Variants in SEC22A observed in about 807,000 individuals in gnomAD.
SEC22A encodes vesicle-trafficking protein SEC22a.
In SEC22A, 22 loss-of-function variants were observed where a neutral mutation model predicts 35.3. The observed-to-expected ratio is 0.62, with a 90% CI of 0.45 to 0.89. SEC22A has a LOEUF of 0.89. SEC22A is among the 40% of genes least tolerant of loss of function. The pLI, the probability that SEC22A is intolerant of heterozygous loss-of-function variation, is 0.00. For synonymous variants in SEC22A, 119 were observed against 129.5 expected (o/e 0.92, Z 0.55); for missense variants, 354 against 362.5 (o/e 0.98, Z 0.19).
intron 1 of SEC22A, among the ~76,000 whole-genome samples, chr3:123,206,252 C>T (rs573776505): frequency 6.6e-6 from 1 of 152,110 alleles, no homozygotes; most frequent in South Asian, 2.1e-4. Context: ...TGCCACCATG[C>T]CCAGCTGATT....
At chr3:123,217,359 G>A (rs1046549043) in intron 2 of SEC22A, among the ~76,000 whole-genome samples, 3 of 151,112 alleles carry the variant, frequency 2.0e-5, no homozygotes, top group African/African-American at 4.9e-5. Context: ...CACCACACCC[G>A]GCTAATTTTT....
intron 5 of SEC22A, among the ~76,000 whole-genome samples, chr3:123,248,741 T>G (rs182909982): frequency 1.3e-5 from 2 of 152,234 alleles, no homozygotes; most frequent in Admixed American, 1.3e-4. Context: ...AAAGTTCATA[T>G]GGAAAAGCAA....
chr3:123,265,858 G>A (rs1301111905), intron 6 of SEC22A, among the ~76,000 whole-genome samples: 1 of 152,124 alleles, frequency 6.6e-6, no homozygotes, highest in Non-Finnish European at 1.5e-5. Context: ...ACATACTTGT[G>A]TGAGATTATT....
chr3:123,233,558 TAGAATA>T (rs1402404795), intron 4 of SEC22A, among the ~76,000 whole-genome samples: 2 of 151,690 alleles, frequency 1.3e-5, no homozygotes, highest in African/African-American at 4.8e-5. Context: ...AATATATTGA[TAGAATA>T]AGAAATGAAA....
At chr3:123,240,647 G>C (rs1472260988) in intron 4 of SEC22A, among the ~76,000 whole-genome samples, 1 of 152,084 alleles carries the variant, frequency 6.6e-6, no homozygotes, top group Non-Finnish European at 1.5e-5. Flanking sequence ...TAAATATTAG[G>C]AGTGGAATTG....
chr3:123,240,231 T>C (rs2108070193), intron 4 of SEC22A, among the ~76,000 whole-genome samples: 1 of 152,292 alleles, frequency 6.6e-6, no homozygotes, highest in South Asian at 2.1e-4. Context: ...TAAAAAGACA[T>C]GATTACTAAA....
At chr3:123,237,203 A>G (rs1045873621) in intron 4 of SEC22A, among the ~76,000 whole-genome samples, 3 of 152,236 alleles carry the variant, frequency 2.0e-5, no homozygotes, top group Non-Finnish European at 4.4e-5. Flanking sequence ...GCTGTCTGCT[A>G]ATCTTTGGCA....
At chr3:123,228,156 C>T (rs568139865) in intron 4 of SEC22A, among the ~76,000 whole-genome samples, 4 of 152,012 alleles carry the variant, frequency 2.6e-5, no homozygotes, top group African/African-American at 9.6e-5. Context: ...AAGCAGATAA[C>T]AATAACAAGC....
At chr3:123,246,292 G>A (rs754811067) in intron 5 of SEC22A, among the ~76,000 whole-genome samples, 8 of 152,194 alleles carry the variant, frequency 5.3e-5, no homozygotes, top group Non-Finnish European at 7.3e-5. Flanking sequence ...ATAACTGAAA[G>A]TTGAACTGGG....
At chr3:123,230,220 T>TAA (rs1408995995) in intron 4 of SEC22A, among the ~76,000 whole-genome samples, 10 of 152,166 alleles carry the variant, frequency 6.6e-5, no homozygotes, top group Admixed American at 5.9e-4. Context: ...AGTGTATATA[T>TAA]AATGTCATTT....
intron 1 of SEC22A, among the ~76,000 whole-genome samples, chr3:123,206,505 C>T (rs551308356): frequency 3.3e-4 from 50 of 152,204 alleles, no homozygotes; most frequent in Non-Finnish European, 6.0e-4. Flanking sequence ...AAATAATAAA[C>T]GCTTAAGGGG....
intron 2 of SEC22A, among the ~76,000 whole-genome samples, chr3:123,212,835 C>A (rs185862579): frequency 6.6e-6 from 1 of 152,124 alleles, no homozygotes. Context: ...ATAGTCCATC[C>A]ATTTGTTAGA....
At chr3:123,217,545 A>T (rs985132617) in intron 2 of SEC22A, among the ~76,000 whole-genome samples, 6 of 151,964 alleles carry the variant, frequency 3.9e-5, no homozygotes, top group African/African-American at 1.5e-4. Flanking sequence ...CAAATTTAAC[A>T]GTAGATTAGA....
intron 2 of SEC22A, among the ~76,000 whole-genome samples, chr3:123,222,207 C>CT (rs1424769675): frequency 1.3e-5 from 2 of 149,780 alleles, no homozygotes; most frequent in Non-Finnish European, 3.0e-5. Context: ...TCTTTAGCTT[C>CT]TTTTTTTTTA....
intron 3 of SEC22A, among the ~76,000 whole-genome samples, chr3:123,224,397 A>G (rs1033153243): frequency 1.4e-5 from 2 of 145,660 alleles, no homozygotes; most frequent in Non-Finnish European, 3.0e-5. Context: ...GCAATAAAAA[A>G]CAGATTTATA....
chr3:123,207,291 T>A (rs1936868434), intron 1 of SEC22A, among the ~76,000 whole-genome samples: 1 of 152,204 alleles, frequency 6.6e-6, no homozygotes, highest in African/African-American at 2.4e-5. Flanking sequence ...GCTCCTGATT[T>A]ACAAGCTTTG....
chr3:123,229,380 A>ATAGAGAC (rs1937273744), intron 4 of SEC22A, among the ~76,000 whole-genome samples: 1 of 152,242 alleles, frequency 6.6e-6, no homozygotes, highest in South Asian at 2.1e-4. Context: ...AGCAGAACCA[A>ATAGAGAC]TAGAGACTAG....
intron 6 of SEC22A, among the ~76,000 whole-genome samples, chr3:123,261,629 G>A (rs1259207803): frequency 6.6e-6 from 1 of 152,004 alleles, no homozygotes; most frequent in African/African-American, 2.4e-5. Flanking sequence ...ACAAGTTTTG[G>A]TTGCTTTGTC....
intron 2 of SEC22A, among the ~76,000 whole-genome samples, chr3:123,221,999 A>T (rs1266024871): frequency 1.3e-5 from 2 of 151,982 alleles, no homozygotes; most frequent in Non-Finnish European, 2.9e-5. Flanking sequence ...AAAATTAGGG[A>T]TATTCTCTTA....
Sources: gnomAD v4.1 joint callset for allele counts (sites outside exome capture counted in the v4.1 genomes callset) on GRCh38, gnomAD v4.1.1 for gene constraint, MANE v1.5 for transcripts, NCBI Gene and HGNC (gene_info 2026-07-23, HGNC 2026-07-21) for gene names.